The following GRM8 variants were observed in gnomAD, a reference collection of about 807,000 sequenced individuals.
GRM8 encodes the protein glutamate metabotropic receptor 8, also known as metabotropic glutamate receptor 8.
A neutral mutation model predicts 87.2 loss-of-function variants in GRM8; 47 were observed. The observed-to-expected ratio is 0.54, with a 90% CI of 0.43 to 0.69. The LOEUF (loss-of-function observed/expected upper bound fraction) is 0.69. Among genes scored for constraint, GRM8 ranks in the 30% least tolerant of loss-of-function variants. The pLI, the probability that GRM8 is intolerant of heterozygous loss-of-function variation, is 0.00. For missense variants in GRM8, 1,019 were observed against 1,139.2 expected, an observed-to-expected ratio of 0.89 and a Z score of 1.52; for synonymous variants, 396 against 404.5, an observed-to-expected ratio of 0.98 and a Z score of 0.25.
chr7:126,916,730 C>G (rs1250125285), intron 3 of GRM8, among the ~76,000 whole-genome samples: 1 of 152,208 alleles, frequency 6.6e-6, no homozygotes, highest in Admixed American at 6.5e-5. Flanking sequence ...AAACTGATAG[C>G]AGAAAGGTCA....
intron 7 of GRM8, among the ~76,000 whole-genome samples, chr7:126,716,325 C>G (rs1811735345): frequency 6.6e-6 from 1 of 150,634 alleles, no homozygotes; most frequent in South Asian, 2.1e-4. Context: ...ATTTCTGTAA[C>G]TATCTGGAGT....
Position 126,960,137 on chromosome 7 carries a change from T to C in GRM8, c.728-55454A>G, listed in dbSNP as rs17875067. 3.6e-3 allele frequency among the ~76,000 whole-genome samples: 551 copies of C among 152,186 alleles called. 3 individuals are homozygous for C. The highest frequency in any genetic ancestry group is 0.013 in the African/African-American group (532 of 41,530). On this transcript the variant is annotated intron_variant, in intron 3 of 10. Transcript: ENST00000339582. Reference sequence around the variant, plus strand: ...TCAATGAAAAAGAAAACGACACTAATCAATCTTCCAATTTTTCTACTCTGA... The same window carrying C: ...TCAATGAAAAAGAAAACGACACTAACCAATCTTCCAATTTTTCTACTCTGA...
rs17863241 is a variant in GRM8, at chr7:127,206,715, G to A, written c.510+35980C>T. 6.6e-3 allele frequency among the ~76,000 whole-genome samples: 1,001 copies of A among 152,280 alleles called. 5 individuals are homozygous for A. The highest frequency in any genetic ancestry group is 0.011 in the Non-Finnish European group (765 of 68,020). Reference sequence around the variant, plus strand: ...TGTAATTCACCCAGGGAAGAAGCAAGCACCTCCAGTGTTCTGCAGACTCAC... The same window carrying A: ...TGTAATTCACCCAGGGAAGAAGCAAACACCTCCAGTGTTCTGCAGACTCAC... On this transcript the variant is annotated intron_variant, in intron 2 of 10. Transcript: ENST00000339582.
At chr7:126,474,102 T>C (rs1805618651) in intron 9 of GRM8, among the ~76,000 whole-genome samples, 1 of 152,196 alleles carries the variant, frequency 6.6e-6, no homozygotes, top group South Asian at 2.1e-4. Flanking sequence ...CATTTAATTA[T>C]CTCAGTTTCA....
intron 3 of GRM8, among the ~76,000 whole-genome samples, chr7:127,085,447 T>A (rs1823372975): frequency 1.3e-5 from 2 of 152,234 alleles, no homozygotes; most frequent in African/African-American, 4.8e-5. Context: ...AAGGCATTCC[T>A]ATTTCTCCAC....
chr7:127,228,861 C>A (rs1439850032), intron 2 of GRM8: 2 of 152,138 alleles, frequency 1.3e-5, no homozygotes, highest in East Asian at 3.9e-4. Context: ...GGCATAGATT[C>A]TTTGAGGGAA....
intron 6 of GRM8, among the ~76,000 whole-genome samples, chr7:126,780,947 T>C (rs1820006633): frequency 1.3e-5 from 2 of 152,144 alleles, no homozygotes; most frequent in African/African-American, 4.8e-5. Context: ...TACGGTGTCA[T>C]GGGCTAAGGT....
intron 6 of GRM8, among the ~76,000 whole-genome samples, chr7:126,824,547 C>T (rs1350465180): frequency 6.6e-6 from 1 of 152,156 alleles, no homozygotes; most frequent in Non-Finnish European, 1.5e-5. Context: ...ACTGTGTTCA[C>T]AGTGTTGGTA....
intron 9 of GRM8, among the ~76,000 whole-genome samples, chr7:126,525,536 C>T (rs1813698180): frequency 6.6e-6 from 1 of 152,200 alleles, no homozygotes; most frequent in African/African-American, 2.4e-5. Flanking sequence ...CTAATGGTCA[C>T]TCTGATGCCT....
chr7:127,163,816 T>C (rs1793273046), intron 2 of GRM8, among the ~76,000 whole-genome samples: 1 of 152,178 alleles, frequency 6.6e-6, no homozygotes, highest in Non-Finnish European at 1.5e-5. Flanking sequence ...TTTTCCATCA[T>C]AAAGAAATTT....
intron 6 of GRM8, among the ~76,000 whole-genome samples, chr7:126,896,144 T>C (rs570750714): frequency 1.3e-5 from 2 of 150,756 alleles, no homozygotes; most frequent in South Asian, 2.1e-4. Flanking sequence ...AAACAAGAGA[T>C]TGATTCTTAT....
At chr7:127,130,867 C>T (rs1013603898) in intron 2 of GRM8, among the ~76,000 whole-genome samples, 3 of 152,180 alleles carry the variant, frequency 2.0e-5, no homozygotes, top group Non-Finnish European at 4.4e-5. Context: ...ACACTCCTTG[C>T]TTTCCCTTCA....
chr7:127,060,213 T>G (rs1014240962), intron 3 of GRM8, among the ~76,000 whole-genome samples: 12 of 152,210 alleles, frequency 7.9e-5, no homozygotes, highest in African/African-American at 2.7e-4. Context: ...GACAAACACA[T>G]ATCTTTTTAG....
intron 2 of GRM8, among the ~76,000 whole-genome samples, chr7:127,159,566 T>C (rs1171602439): frequency 2.0e-5 from 3 of 151,892 alleles, no homozygotes; most frequent in Non-Finnish European, 4.4e-5. Flanking sequence ...TGTAAATTTC[T>C]GGGAGAAAAA....
At chr7:127,195,896 T>G (rs750300352) in intron 2 of GRM8, among the ~76,000 whole-genome samples, 4 of 152,274 alleles carry the variant, frequency 2.6e-5, no homozygotes, top group Middle Eastern at 3.4e-3. Flanking sequence ...CATCTTTGTC[T>G]TCCCCGACAC....
At chr7:126,458,228 T>G (rs75890637) in intron 9 of GRM8, among the ~76,000 whole-genome samples, 4,619 of 151,236 alleles carry the variant, frequency 0.031, 242 homozygotes, top group African/African-American at 0.11. Flanking sequence ...TCATTAATTT[T>G]CATTATAAAC....
chr7:126,958,668 G>T (rs1808997591), intron 3 of GRM8, among the ~76,000 whole-genome samples: 1 of 152,158 alleles, frequency 6.6e-6, no homozygotes, highest in African/African-American at 2.4e-5. Context: ...GGCATAACAG[G>T]CCCTGTGGGA....
rs67131936 is a variant in GRM8, at chr7:126,788,409, C to CAAAAAAA, written c.1157-18351_1157-18345dup. Among the ~76,000 whole-genome samples, 10 of 10,792 alleles carry CAAAAAAA rather than the reference C, an allele frequency of 9.3e-4. 1 individual carries two copies. The South Asian group carries it at 0.014, about 15-fold the overall frequency. The allele number at this position is 10,792 out of a possible 152,430, so 7.1% of individuals were successfully genotyped here. A position where few individuals can be genotyped will look rare whatever the true frequency, so the allele number is the denominator to read the frequency against. On this transcript the variant is annotated intron_variant, in intron 6 of 10. Transcript: ENST00000339582. Reference sequence around the variant, plus strand: ...TGGGTATCAGAGCAAGACTCCATCTCAAAAAAAAAAAAAACCCTTTCAGAT... The same window carrying CAAAAAAA: ...TGGGTATCAGAGCAAGACTCCATCTCAAAAAAAAAAAAAAAAAAAAACCCTTTCAGAT...
chr7:126,754,135 G>C (rs1308213170), intron 7 of GRM8, among the ~76,000 whole-genome samples: 1 of 151,746 alleles, frequency 6.6e-6, no homozygotes, highest in Admixed American at 6.6e-5. Flanking sequence ...GAAATGCACA[G>C]GGTTAATTTT....
Sources: allele counts gnomAD v4.1 joint callset (sites outside exome capture counted in the v4.1 genomes callset), GRCh38; gene constraint gnomAD v4.1.1; transcripts MANE v1.5; gene names NCBI Gene and HGNC (gene_info 2026-07-23, HGNC 2026-07-21).